The following EYA4 variants were observed in gnomAD, a reference collection of about 807,000 sequenced individuals.
The protein encoded by EYA4 is protein phosphatase EYA4.
Under a neutral mutation model 87.9 loss-of-function variants are expected in EYA4, and 31 were observed. The observed-to-expected ratio is 0.35, with a 90% CI of 0.27 to 0.48. The LOEUF is 0.48. Among genes scored for constraint, EYA4 ranks in the 20% least tolerant of loss-of-function variants. The pLI, the probability that EYA4 is intolerant of heterozygous loss-of-function variation, is 0.99. For missense variants in EYA4, 678 were observed against 761.4 expected, an observed-to-expected ratio of 0.89 and a Z score of 1.29; for synonymous variants, 263 against 270.6, an observed-to-expected ratio of 0.97 and a Z score of 0.28.
In EYA4 at chr6:133,356,956, A is replaced by G. The variant is rs545215540; in HGVS notation, c.34-25436A>G. Among the ~76,000 whole-genome samples the G allele has an allele frequency of 2.0e-5, 3 of 151,670 alleles. No individual in the cohort carries two copies. The South Asian group carries it at 6.2e-4, about 32-fold the overall frequency. On this transcript the variant is annotated intron_variant, in intron 2 of 19. Coordinates refer to ENST00000355286, the MANE Select transcript of EYA4 (RefSeq NM_004100.5). ...TTTTGAACTGAGATTGTCCTATTTT[A>G]AGAGTTTATTTTCCATTATAAAAGA...
intron 14 of EYA4, 44 bp downstream of exon 14, chr6:133,506,239 C>A (rs1419701437): frequency 1.9e-6 from 2 of 1,039,692 alleles, no homozygotes; most frequent in Non-Finnish European, 3.0e-6. Flanking sequence ...CAACACCAGA[C>A]CTCCTAGATG....
At chr6:133,479,392 C>A (rs530212798) in intron 11 of EYA4, among the ~76,000 whole-genome samples, 3 of 152,266 alleles carry the variant, frequency 2.0e-5, no homozygotes. Flanking sequence ...ATTTTAAGTG[C>A]AAATAATATT....
chr6:133,282,708 G>A (rs1777728659), intron 2 of EYA4, among the ~76,000 whole-genome samples: 1 of 152,112 alleles, frequency 6.6e-6, no homozygotes, highest in Admixed American at 6.5e-5. Flanking sequence ...ACTGTGATCA[G>A]CTGGTAACAG....
intron 13 of EYA4, among the ~76,000 whole-genome samples, chr6:133,496,993 T>C (rs985584963): frequency 6.6e-6 from 1 of 152,170 alleles, no homozygotes; most frequent in Admixed American, 6.5e-5. Flanking sequence ...CATATCTACC[T>C]GTCTTTCTTC....
chr6:133,439,049 C>CAAAAAAAAAAAAAAAAAAAAAAAAAAAA (rs56261819), intron 3 of EYA4, among the ~76,000 whole-genome samples: 8 of 64,024 alleles, frequency 1.2e-4, no homozygotes, highest in Admixed American at 2.6e-4. Context: ...GACTCCGTCT[C>CAAAAAAAAAAAAAAAAAAAAAAAAAAAA]AAAAAAAAAA....
At chr6:133,502,087 C>A (rs1798178847) in intron 13 of EYA4, among the ~76,000 whole-genome samples, 1 of 151,884 alleles carries the variant, frequency 6.6e-6, no homozygotes, top group Non-Finnish European at 1.5e-5. Context: ...CTCTCTCTCT[C>A]TATTCAGTAA....
chr6:133,314,441 A>G (rs1373348607), intron 2 of EYA4, among the ~76,000 whole-genome samples: 2 of 152,152 alleles, frequency 1.3e-5, no homozygotes, highest in African/African-American at 4.8e-5. Context: ...TTGTTTTTAG[A>G]TTAGTCATGA....
intron 13 of EYA4, among the ~76,000 whole-genome samples, chr6:133,495,441 T>TAAAG (rs1562487104): frequency 6.7e-6 from 1 of 148,636 alleles, no homozygotes; most frequent in Non-Finnish European, 1.5e-5. Context: ...TAAATAAATA[T>TAAAG]AAAGAAATAT....
intron 2 of EYA4, among the ~76,000 whole-genome samples, chr6:133,332,711 AT>A (rs71003634): frequency 8.8e-4 from 110 of 124,896 alleles, no homozygotes; most frequent in Middle Eastern, 8.8e-3. Context: ...GCCCAGCTAA[AT>A]TTTTTTTTTT....
chr6:133,270,652 A>C (rs868265993), intron 1 of EYA4, among the ~76,000 whole-genome samples: 1 of 151,896 alleles, frequency 6.6e-6, no homozygotes, highest in African/African-American at 2.4e-5. Context: ...TTCCTTGTGG[A>C]GTGACCCAAA....
intron 2 of EYA4, among the ~76,000 whole-genome samples, chr6:133,352,565 TAA>T (rs1047048426): frequency 3.3e-5 from 5 of 152,134 alleles, no homozygotes; most frequent in Admixed American, 2.6e-4. Flanking sequence ...AGAAAAAAAT[TAA>T]GTTAGTGATT....
At chr6:133,526,048 C>A in intron 19 of EYA4, 2 of 320,858 alleles carry the variant, frequency 6.2e-6, no homozygotes, top group Non-Finnish European at 9.0e-6. Context: ...GCCCGTATTT[C>A]TGAAGAAGAA....
At chr6:133,304,412 C>G (rs545288508) in intron 2 of EYA4, among the ~76,000 whole-genome samples, 1 of 152,008 alleles carries the variant, frequency 6.6e-6, no homozygotes, top group Non-Finnish European at 1.5e-5. Flanking sequence ...CCAGCCAAAT[C>G]CTGAAATATG....
At chr6:133,326,591 C>T (rs1448241993) in intron 2 of EYA4, among the ~76,000 whole-genome samples, 1 of 152,188 alleles carries the variant, frequency 6.6e-6, no homozygotes, top group Non-Finnish European at 1.5e-5. Context: ...CTATTGTTGA[C>T]ACCCACATCT....
chr6:133,406,165 C>A (rs563599692), intron 3 of EYA4, among the ~76,000 whole-genome samples: 5 of 152,098 alleles, frequency 3.3e-5, no homozygotes, highest in Non-Finnish European at 7.4e-5. Flanking sequence ...TACCACCTAC[C>A]ATGGGCCAGG....
chr6:133,298,530 A>C (rs148384519), intron 2 of EYA4, among the ~76,000 whole-genome samples: 169 of 152,294 alleles, frequency 1.1e-3, no homozygotes, highest in African/African-American at 3.6e-3. Flanking sequence ...TCTCTGAAAA[A>C]GTAGTGTCAG....
chr6:133,348,711 G>A (rs1293733088), intron 2 of EYA4, among the ~76,000 whole-genome samples: 1 of 151,904 alleles, frequency 6.6e-6, no homozygotes, highest in Non-Finnish European at 1.5e-5. Flanking sequence ...TGGCAATCCT[G>A]TTGGCTCTAC....
chr6:133,321,910 A>T (rs747995885), intron 2 of EYA4, among the ~76,000 whole-genome samples: 3 of 152,194 alleles, frequency 2.0e-5, no homozygotes, highest in Non-Finnish European at 2.9e-5. Flanking sequence ...CTCTGGACGT[A>T]GAGGCCCGAG....
intron 3 of EYA4, among the ~76,000 whole-genome samples, chr6:133,393,169 G>T (rs1787448584): frequency 6.6e-6 from 1 of 152,138 alleles, no homozygotes; most frequent in South Asian, 2.1e-4. Flanking sequence ...TCTAGACTCA[G>T]TGTGAGTAGA....
Sources: allele counts gnomAD v4.1 joint callset (sites outside exome capture counted in the v4.1 genomes callset), GRCh38; gene constraint gnomAD v4.1.1; transcripts MANE v1.5; gene names NCBI Gene and HGNC (gene_info 2026-07-23, HGNC 2026-07-21).